The following UCMA variants were observed in gnomAD, a reference collection of about 807,000 sequenced individuals.
UCMA encodes the protein upper zone of growth plate and cartilage matrix associated.
UCMA carries 21 observed loss-of-function variants against 21.8 expected under a neutral mutation model. That is an observed-to-expected ratio of 0.97 (90% CI 0.68 to 1.39). The LOEUF (loss-of-function observed/expected upper bound fraction) is 1.39, where lower values mean the gene tolerates loss of function less well. Among genes scored for constraint, UCMA ranks in the 40% most tolerant of loss-of-function variants. The probability of loss-of-function intolerance (pLI) is 0.00; values close to 1 mark genes in which losing one functional copy is unlikely to be tolerated. For missense variants in UCMA, 193 were observed against 178.9 expected, an observed-to-expected ratio of 1.08 and a Z score of -0.45; for synonymous variants, 76 against 67.9, an observed-to-expected ratio of 1.12 and a Z score of -0.58.
intron 3 of UCMA, among the ~76,000 whole-genome samples, chr10:13,230,643 A>G (rs1834885954): frequency 6.6e-6 from 1 of 152,140 alleles, no homozygotes; most frequent in Admixed American, 6.6e-5. Context: ...GTGCAAGAGG[A>G]GGCTGGGGGG....
chr10:13,233,706 C>T, intron 2 of UCMA, 29 bp downstream of exon 2: 1 of 1,613,998 alleles, frequency 6.2e-7, no homozygotes, highest in Middle Eastern at 1.6e-4. Flanking sequence ...CTGCACCTGC[C>T]CTGCCCCGTG....
At chr10:13,223,497 C>T (rs528147806) in intron 4 of UCMA, among the ~76,000 whole-genome samples, 4 of 152,150 alleles carry the variant, frequency 2.6e-5, no homozygotes, top group Admixed American at 2.6e-4. Flanking sequence ...TGAAATAAGC[C>T]CAGACGCAAA....
intron 4 of UCMA, among the ~76,000 whole-genome samples, chr10:13,228,582 G>A (rs1387887629): frequency 3.9e-5 from 6 of 152,190 alleles, no homozygotes; most frequent in African/African-American, 7.2e-5. Context: ...CTGCCAGTCA[G>A]TAAAGATGCT....
chr10:13,221,984 C>T lies in UCMA; in HGVS notation c.*119G>A. ...ATGCGTCTTTTCAAGAGCTGCTGGC[C>T]ACTGCAGACCCCAAGCTGAGACCCT... is the stretch of plus-strand genomic sequence containing the variant. On this transcript the variant is annotated 3_prime_UTR_variant, in exon 5 of 5. Coordinates refer to ENST00000378681, the MANE Select transcript of UCMA (RefSeq NM_145314.3). The T allele has an allele frequency of 1.0e-6, 1 of 970,064 alleles. No individual in the cohort carries two copies. Among genetic ancestry groups the T allele is most frequent in the Non-Finnish European group, 1.6e-6 (1 of 630,198 alleles). The allele number at this position is 970,064 out of a possible 1,614,324, so 60.1% of individuals were successfully genotyped here.
chr10:13,233,103 C>T (rs1401568476), intron 3 of UCMA, among the ~76,000 whole-genome samples: 3 of 152,146 alleles, frequency 2.0e-5, no homozygotes, highest in East Asian at 1.9e-4. Flanking sequence ...TCCCCATGTG[C>T]GATGCTGTTG....
intron 3 of UCMA, among the ~76,000 whole-genome samples, chr10:13,232,371 CAAAAAA>C (rs34527224): frequency 1.4e-5 from 1 of 69,586 alleles, no homozygotes; most frequent in Non-Finnish European, 2.7e-5. Context: ...GACTCCATCT[CAAAAAA>C]AAAAAAAAAA....
chr10:13,229,832 T>A, intron 3 of UCMA, 123 bp from the exon 4 acceptor site: 1 of 737,680 alleles, frequency 1.4e-6, no homozygotes, highest in Non-Finnish European at 2.3e-6. Flanking sequence ...TTGTGGGGGA[T>A]TGTGATTGGA....
At chr10:13,225,543 T>G (rs1306392280) in intron 4 of UCMA, among the ~76,000 whole-genome samples, 1 of 151,616 alleles carries the variant, frequency 6.6e-6, no homozygotes, top group Non-Finnish European at 1.5e-5. Flanking sequence ...GGCGTGGTGG[T>G]GGGTGCCTGT....
At chr10:13,229,805 G>T in intron 3 of UCMA, 96 bp from the exon 4 acceptor site, 1 of 961,604 alleles carries the variant, frequency 1.0e-6, no homozygotes, top group Non-Finnish European at 1.6e-6. Context: ...AAGTCACCTG[G>T]TTGGGGGATG....
intron 4 of UCMA, among the ~76,000 whole-genome samples, chr10:13,225,968 C>T (rs1008441477): frequency 2.0e-5 from 3 of 152,076 alleles, no homozygotes; most frequent in South Asian, 2.1e-4. Context: ...GGGGAGACCC[C>T]CTGAGGGCTA....
chr10:13,229,421 G>A (rs367664077), intron 4 of UCMA, among the ~76,000 whole-genome samples, 190 bp downstream of exon 4: 1 of 151,764 alleles, frequency 6.6e-6, no homozygotes, highest in East Asian at 1.9e-4. Context: ...CAGGAGAATC[G>A]CTTGAACTTG....
At chr10:13,232,347 G>A (rs1834909671) in intron 3 of UCMA, among the ~76,000 whole-genome samples, 1 of 136,976 alleles carries the variant, frequency 7.3e-6, no homozygotes. Flanking sequence ...ACTCCAGCCT[G>A]GGCGACAGAG....
At chr10:13,227,854 T>C (rs1345356841) in intron 4 of UCMA, among the ~76,000 whole-genome samples, 2 of 150,970 alleles carry the variant, frequency 1.3e-5, no homozygotes, top group Admixed American at 1.3e-4. Context: ...TTGAGGGTAC[T>C]TCACAGCAAA....
At chr10:13,223,589 T>C (rs1201027039) in intron 4 of UCMA, among the ~76,000 whole-genome samples, 1 of 152,202 alleles carries the variant, frequency 6.6e-6, no homozygotes, top group Non-Finnish European at 1.5e-5. Flanking sequence ...ACTCTCGCTC[T>C]GTCACCCAGG....
intron 4 of UCMA, among the ~76,000 whole-genome samples, chr10:13,224,711 A>C (rs116722901): frequency 0.012 from 1,817 of 152,210 alleles, 33 homozygotes; most frequent in African/African-American, 0.042. Flanking sequence ...AGGAATGGAG[A>C]TGTTGCTTTG....
At chr10:13,232,833 C>G (rs1834916278) in intron 3 of UCMA, among the ~76,000 whole-genome samples, 1 of 151,986 alleles carries the variant, frequency 6.6e-6, no homozygotes, top group Admixed American at 6.6e-5. Context: ...CAAATGCCCT[C>G]AGGGGTTGGC....
chr10:13,224,998 G>A (rs1039327985), intron 4 of UCMA, among the ~76,000 whole-genome samples: 6 of 152,196 alleles, frequency 3.9e-5, no homozygotes, highest in African/African-American at 1.4e-4. Flanking sequence ...CAGTAGACGA[G>A]CTACTCTTTG....
chr10:13,230,167 A>T (rs1228886124), intron 3 of UCMA, among the ~76,000 whole-genome samples: 1 of 152,186 alleles, frequency 6.6e-6, no homozygotes, highest in Non-Finnish European at 1.5e-5. Flanking sequence ...TTCCAGCCAG[A>T]TACGGTGGCT....
Position 13,233,834 on chromosome 10 carries a change from A to G in UCMA, c.59-34T>C, listed in dbSNP as rs565788584. Reference sequence around the variant, plus strand: ...CAAGGGCACAGAGTGAGGCTGCAGCATCAGAGGGGAGCCCAGACCCTGAGC... The same window carrying G: ...CAAGGGCACAGAGTGAGGCTGCAGCGTCAGAGGGGAGCCCAGACCCTGAGC... On this transcript the variant is annotated intron_variant, in intron 1 of 4. Coordinates refer to ENST00000378681, the MANE Select transcript of UCMA (RefSeq NM_145314.3). 80 of 1,612,290 alleles carry G rather than the reference A, an allele frequency of 5.0e-5. No homozygotes were observed. The South Asian group carries it at 8.4e-4, about 17-fold the overall frequency.
Sources: gnomAD v4.1 joint callset for allele counts (sites outside exome capture counted in the v4.1 genomes callset) on GRCh38, gnomAD v4.1.1 for gene constraint, MANE v1.5 for transcripts, NCBI Gene and HGNC (gene_info 2026-07-23, HGNC 2026-07-21) for gene names.